Variants in ARHGEF7 observed in about 807,000 individuals in gnomAD.
The protein encoded by ARHGEF7 is PAK-interacting exchange factor beta.
ARHGEF7 carries 33 observed loss-of-function variants against 109.8 expected under a neutral mutation model. The observed-to-expected ratio is 0.30, with a 90% CI of 0.23 to 0.40. The LOEUF is 0.40. ARHGEF7 is among the 10% of genes least tolerant of loss of function. The probability of loss-of-function intolerance (pLI) is 1.00; values close to 1 mark genes in which losing one functional copy is unlikely to be tolerated. For missense variants in ARHGEF7, 938 were observed against 1,098.5 expected, an observed-to-expected ratio of 0.85 and a Z score of 2.07; for synonymous variants, 458 against 424.6, an observed-to-expected ratio of 1.08 and a Z score of -0.97.
At chr13:111,135,639 C>T (rs1428140087) in intron 1 of ARHGEF7, among the ~76,000 whole-genome samples, 8 of 152,168 alleles carry the variant, frequency 5.3e-5, no homozygotes, top group Non-Finnish European at 1.0e-4. Context: ...TTTTGCACAT[C>T]GATTTTGTAT....
chr13:111,124,306 T>C (rs986883378), intron 1 of ARHGEF7, among the ~76,000 whole-genome samples: 1 of 152,394 alleles, frequency 6.6e-6, no homozygotes, highest in Admixed American at 6.5e-5. Flanking sequence ...CAGGAAGTCC[T>C]GTGTGACTGC....
rs765360835 is a variant in ARHGEF7 at position 111,302,987 on chromosome 13, A to G, written c.2467-4A>G. ...GAACACCCTGTGGTCTGCTTAATTT[A>G]CAGGACAACAAAAAGATGAAGAAAT... is the stretch of plus-strand genomic sequence containing the variant. On this transcript the variant is annotated splice_polypyrimidine_tract_variant and splice_region_variant and intron_variant, in intron 21 of 21. Coordinates refer to ENST00000646102, the MANE Select transcript of ARHGEF7 (RefSeq NM_001354046.2). The G allele has an allele frequency of 1.2e-6, 2 of 1,614,036 alleles. No individual in the cohort carries two copies. Among genetic ancestry groups the G allele is most frequent in the East Asian group, 4.5e-5 (2 of 44,876 alleles).
At chr13:111,289,033 T>C (rs2093150335) in intron 18 of ARHGEF7, among the ~76,000 whole-genome samples, 1 of 149,388 alleles carries the variant, frequency 6.7e-6, no homozygotes, top group Non-Finnish European at 1.5e-5. Flanking sequence ...TTAAGGTGGC[T>C]TTTTTTTTTC....
Position 111,161,089 on chromosome 13 carries a change from A to G in ARHGEF7, c.252+7098A>G, listed in dbSNP as rs117175624. ...GGATTTTCAGGATTTGAGATGCTCAACTGATAACTATAATGAAAATATCCC... is the reference window on the plus strand; with the variant it reads ...GGATTTTCAGGATTTGAGATGCTCAGCTGATAACTATAATGAAAATATCCC... On this transcript the variant is annotated intron_variant, in intron 2 of 21. Coordinates refer to ENST00000646102, the MANE Select transcript of ARHGEF7 (RefSeq NM_001354046.2). Among the ~76,000 whole-genome samples, 921 of 150,836 alleles carry G rather than the reference A, an allele frequency of 6.1e-3. 6 individuals carry two copies. Among genetic ancestry groups the G allele is most frequent in the Non-Finnish European group, 9.7e-3 (655 of 67,350 alleles).
chr13:111,124,918 C>T (rs902516147), intron 1 of ARHGEF7, among the ~76,000 whole-genome samples: 5 of 152,124 alleles, frequency 3.3e-5, no homozygotes, highest in Admixed American at 6.5e-5. Context: ...CGCCACCATG[C>T]CCGGCTAATT....
rs543036520 is a variant in ARHGEF7 at position 111,166,015 on chromosome 13, T to G, written c.252+12024T>G. Among the ~76,000 whole-genome samples the G allele has an allele frequency of 4.6e-5, 7 of 152,302 alleles. No individual in the cohort carries two copies. The East Asian group carries it at 1.4e-3, about 29-fold the overall frequency. On this transcript the variant is annotated intron_variant, in intron 2 of 21. Transcript: ENST00000646102. Reference sequence around the variant, plus strand: ...TCTGGCAGTTGGAGTCCCCACTCCCTGCCATTAATCATCTGTCACATCTGG... The same window carrying G: ...TCTGGCAGTTGGAGTCCCCACTCCCGGCCATTAATCATCTGTCACATCTGG...
chr13:111,302,922 C>T (rs2093603262), intron 21 of ARHGEF7, 69 bp from the exon 22 acceptor site: 2 of 1,589,172 alleles, frequency 1.3e-6, no homozygotes, highest in South Asian at 2.3e-5. Flanking sequence ...CAAGGATACA[C>T]ATTTGGGGAA....
intron 1 of ARHGEF7, among the ~76,000 whole-genome samples, chr13:111,116,848 C>T (rs1293799317): frequency 6.6e-6 from 1 of 152,192 alleles, no homozygotes; most frequent in Non-Finnish European, 1.5e-5. Flanking sequence ...ATTTGGCTTG[C>T]ATTCCACTTT....
In ARHGEF7 at chr13:111,292,877, G is replaced by T. The variant is rs2093331860; in HGVS notation, c.2311+583G>T. On this transcript the variant is annotated intron_variant, in intron 19 of 21. Coordinates refer to ENST00000646102, the MANE Select transcript of ARHGEF7 (RefSeq NM_001354046.2). Reference sequence around the variant, plus strand: ...TGGTAATCGTGCAGAACAGCATGTGGGCTCTGGGCCTTGGCAGGTGCACAG... The same window carrying T: ...TGGTAATCGTGCAGAACAGCATGTGTGCTCTGGGCCTTGGCAGGTGCACAG... The T allele has an allele frequency of 3.0e-6, 3 of 988,498 alleles. No homozygotes were observed. The South Asian group carries it at 1.4e-4, about 46-fold the overall frequency. 61.2% of individuals were successfully genotyped at this position (988,498 alleles called of 1,614,324 possible).
At chr13:111,236,545 C>G (rs1349202280) in intron 6 of ARHGEF7, among the ~76,000 whole-genome samples, 2 of 152,150 alleles carry the variant, frequency 1.3e-5, no homozygotes, top group African/African-American at 4.8e-5. Context: ...GTTTATCTTC[C>G]CATAGTCACT....
intron 1 of ARHGEF7, among the ~76,000 whole-genome samples, chr13:111,136,058 T>C (rs1381266432): frequency 2.6e-5 from 4 of 152,220 alleles, no homozygotes; most frequent in Non-Finnish European, 4.4e-5. Flanking sequence ...AATAATCATG[T>C]GGTTTTTGTC....
At chr13:111,117,211 A>G (rs1450966449) in intron 1 of ARHGEF7, among the ~76,000 whole-genome samples, 1 of 152,256 alleles carries the variant, frequency 6.6e-6, no homozygotes, top group Non-Finnish European at 1.5e-5. Context: ...TCGCCATCAA[A>G]GAATATGTTG....
intron 2 of ARHGEF7, among the ~76,000 whole-genome samples, chr13:111,174,336 G>T (rs1050181702): frequency 6.6e-6 from 1 of 152,196 alleles, no homozygotes; most frequent in African/African-American, 2.4e-5. Context: ...GAATCCCTCT[G>T]TTGGCACCTG....
rs1425902394 is a variant in ARHGEF7, at chr13:111,221,430, TATAG to T, written c.670+3554_670+3557del. Among the ~76,000 whole-genome samples the T allele has an allele frequency of 4.5e-4, 9 of 19,806 alleles. 1 individual carries two copies. The highest frequency in any genetic ancestry group is 5.5e-4 in the African/African-American group (5 of 9,052). 13.0% of individuals were successfully genotyped at this position (19,806 alleles called of 152,430 possible). On this transcript the variant is annotated intron_variant, in intron 5 of 21. Coordinates refer to ENST00000646102, the MANE Select transcript of ARHGEF7 (RefSeq NM_001354046.2). ...ATATATAGATGTCTATATATCTATA[TATAG>T]ATATATATATCTATATATATAGATA...
chr13:111,275,771 T>C (rs2092440300), intron 12 of ARHGEF7, 93 bp downstream of exon 12: 6 of 1,483,246 alleles, frequency 4.0e-6, no homozygotes, highest in Non-Finnish European at 5.6e-6. Context: ...CGATGAAAAA[T>C]GTCTAATAGA....
At chr13:111,288,548 C>A in intron 18 of ARHGEF7, 105 bp downstream of exon 18, 1 of 701,426 alleles carries the variant, frequency 1.4e-6, no homozygotes, top group Non-Finnish European at 2.3e-6. Context: ...ACAGCCCATG[C>A]GCCTGACCTC....
intron 5 of ARHGEF7, among the ~76,000 whole-genome samples, chr13:111,222,577 G>A (rs766472442): frequency 2.0e-5 from 3 of 152,102 alleles, no homozygotes; most frequent in Non-Finnish European, 2.9e-5. Flanking sequence ...TTATAGGCAC[G>A]TGCCACCATG....
chr13:111,151,839 AAGT>A (rs998343062), intron 1 of ARHGEF7, among the ~76,000 whole-genome samples: 4 of 152,178 alleles, frequency 2.6e-5, no homozygotes, highest in Non-Finnish European at 4.4e-5. Flanking sequence ...ATGTGACACT[AAGT>A]AGAGTGAGAA....
intron 3 of ARHGEF7, among the ~76,000 whole-genome samples, chr13:111,206,008 T>C (rs2081786861): frequency 6.6e-6 from 1 of 152,154 alleles, no homozygotes; most frequent in South Asian, 2.1e-4. Context: ...CCGGAGGAAA[T>C]GCTCCATGAG....
Sources: allele counts gnomAD v4.1 joint callset (sites outside exome capture counted in the v4.1 genomes callset), GRCh38; gene constraint gnomAD v4.1.1; transcripts MANE v1.5; gene names NCBI Gene and HGNC (gene_info 2026-07-23, HGNC 2026-07-21).